Variants in BSPRY observed in about 807,000 individuals in gnomAD.
The protein encoded by BSPRY is B box and SPRY domain-containing protein.
In BSPRY, 33 loss-of-function variants were observed where a neutral mutation model predicts 38.0. The ratio of observed to expected loss-of-function variants is 0.87; its 90% confidence interval spans 0.66 to 1.16. BSPRY has a LOEUF of 1.16. Among genes scored for constraint, BSPRY ranks in the 50% most tolerant of loss-of-function variants. The probability of loss-of-function intolerance (pLI) is 0.00; values close to 1 mark genes in which losing one functional copy is unlikely to be tolerated. For synonymous variants in BSPRY, 224 were observed against 228.5 expected (o/e 0.98, Z 0.18); for missense variants, 523 against 533.2 (o/e 0.98, Z 0.19).
chr9:113,349,738 G>A lies in BSPRY; in HGVS notation c.159G>A (p.Gly53=), dbSNP rs1342880983. ...CGGGGTTGGGCGGTCGCTGCCGGGG[G>A]CACCGCATCCGCCGGGCGGAGGAGC... The part of the protein sequence containing the change: ...ACAGLGGRCR[G]HRIRRAEERA... The change falls in exon 1 of 6, where the codon GGG becomes GGA. Residue 53 remains glycine (G), a synonymous_variant. Coordinates refer to ENST00000374183, the MANE Select transcript of BSPRY (RefSeq NM_017688.3). 2 of 1,239,102 alleles carry A rather than the reference G, an allele frequency of 1.6e-6. No homozygotes were observed. Among genetic ancestry groups the A allele is most frequent in the Non-Finnish European group, 2.0e-6 (2 of 993,384 alleles). 76.8% of individuals were successfully genotyped at this position (1,239,102 alleles called of 1,614,324 possible). A position where few individuals can be genotyped will look rare whatever the true frequency, so the allele number is the denominator to read the frequency against.
chr9:113,366,485 C>T (rs1834254833), intron 4 of BSPRY, among the ~76,000 whole-genome samples: 1 of 152,212 alleles, frequency 6.6e-6, no homozygotes, highest in Non-Finnish European at 1.5e-5. Context: ...TGCAGCAGAT[C>T]CTGCCGCACC....
At chr9:113,352,322 G>C (rs2118903056) in intron 1 of BSPRY, among the ~76,000 whole-genome samples, 1 of 152,318 alleles carries the variant, frequency 6.6e-6, no homozygotes, top group South Asian at 2.1e-4. Context: ...TGGTGGGGGA[G>C]ACAGATACCC....
chr9:113,350,292 C>T (rs765970320), intron 1 of BSPRY, among the ~76,000 whole-genome samples: 30 of 152,054 alleles, frequency 2.0e-4, no homozygotes, highest in African/African-American at 7.2e-5. Context: ...CTCAAAGCCC[C>T]CCTCCTCCTT....
intron 5 of BSPRY, 101 bp from the exon 6 acceptor site, chr9:113,369,515 G>A: frequency 8.2e-7 from 1 of 1,225,904 alleles, no homozygotes; most frequent in East Asian, 2.3e-5. Flanking sequence ...GCTTATATGA[G>A]GTCACCATGC....
At chr9:113,353,874 C>G (rs1379742142) in intron 1 of BSPRY, among the ~76,000 whole-genome samples, 1 of 152,038 alleles carries the variant, frequency 6.6e-6, no homozygotes, top group Non-Finnish European at 1.5e-5. Context: ...ATTCATAGAG[C>G]AAAAATTTGT....
Position 113,354,236 on chromosome 9 carries a change from G to A in BSPRY, c.202-4G>A, listed in dbSNP as rs780284789. 7 of 1,613,162 alleles carry A rather than the reference G, an allele frequency of 4.3e-6. No individual in the cohort carries two copies. Among genetic ancestry groups the A allele is most frequent in the Admixed American group, 3.3e-5 (2 of 59,984 alleles). On this transcript the variant is annotated splice_polypyrimidine_tract_variant and splice_region_variant and intron_variant, in intron 1 of 5. Coordinates refer to ENST00000374183, the MANE Select transcript of BSPRY (RefSeq NM_017688.3). ...AGATGCCACAAGCGTTGTTTGTGTT[G>A]CAGAACAAGATTGTGGACCAGTGTG...
intron 2 of BSPRY, among the ~76,000 whole-genome samples, chr9:113,357,019 T>C (rs7859965): frequency 0.077 from 11,725 of 152,170 alleles, 1,201 homozygotes; most frequent in African/African-American, 0.24. Context: ...TAAATAGTAT[T>C]GAAAGCCGTG....
At chr9:113,351,164 G>C (rs2118900760) in intron 1 of BSPRY, among the ~76,000 whole-genome samples, 1 of 152,262 alleles carries the variant, frequency 6.6e-6, no homozygotes. Flanking sequence ...AAAGAGTGAA[G>C]CCTCGGGCAG....
Position 113,371,111 on chromosome 9 carries a change from C to T in BSPRY, c.*969C>T, listed in dbSNP as rs1252577604. 1 of 152,222 alleles carries T rather than the reference C, an allele frequency of 6.6e-6. No individual in the cohort carries two copies. The highest frequency in any genetic ancestry group is 1.5e-5 in the Non-Finnish European group (1 of 68,078). 9.4% of individuals were successfully genotyped at this position (152,222 alleles called of 1,614,324 possible). A position where few individuals can be genotyped will look rare whatever the true frequency, so the allele number is the denominator to read the frequency against. On this transcript the variant is annotated 3_prime_UTR_variant, in exon 6 of 6. Coordinates refer to ENST00000374183, the MANE Select transcript of BSPRY (RefSeq NM_017688.3). Reference sequence around the variant, plus strand: ...TGATAAGTTTCCCTACCTGATGGCCCCCTCTGACATAAACTGCACACCTGG... The same window carrying T: ...TGATAAGTTTCCCTACCTGATGGCCTCCTCTGACATAAACTGCACACCTGG...
At chr9:113,359,225 A>G (rs1190683933) in intron 2 of BSPRY, among the ~76,000 whole-genome samples, 1 of 152,208 alleles carries the variant, frequency 6.6e-6, no homozygotes, top group East Asian at 1.9e-4. Flanking sequence ...CATAGGGAAG[A>G]TAAGGAATAT....
chr9:113,357,163 AT>A (rs1588063068), intron 2 of BSPRY, among the ~76,000 whole-genome samples: 1 of 152,228 alleles, frequency 6.6e-6, no homozygotes, highest in Non-Finnish European at 1.5e-5. Context: ...AAATCAGCTA[AT>A]GAAACGGAAG....
At chr9:113,358,649 ACT>A (rs1834101602) in intron 2 of BSPRY, among the ~76,000 whole-genome samples, 1 of 151,684 alleles carries the variant, frequency 6.6e-6, no homozygotes, top group African/African-American at 2.4e-5. Context: ...TGGTTTGTCT[ACT>A]CTCTGTCATG....
intron 2 of BSPRY, among the ~76,000 whole-genome samples, chr9:113,358,774 T>C (rs1834103404): frequency 6.6e-6 from 1 of 152,224 alleles, no homozygotes; most frequent in African/African-American, 2.4e-5. Context: ...CTGATTCATC[T>C]TGGGTGAGGA....
chr9:113,368,473 T>A (rs1288264126), intron 5 of BSPRY, 90 bp downstream of exon 5: 1 of 1,498,940 alleles, frequency 6.7e-7, no homozygotes, highest in Non-Finnish European at 9.1e-7. Context: ...TGGGGACCCG[T>A]GCTTCTGAGA....
intron 1 of BSPRY, among the ~76,000 whole-genome samples, chr9:113,350,641 T>G (rs1833956822): frequency 6.6e-6 from 1 of 152,124 alleles, no homozygotes; most frequent in South Asian, 2.1e-4. Context: ...ACTCTGCAGT[T>G]CACCCCTGCT....
intron 4 of BSPRY, among the ~76,000 whole-genome samples, chr9:113,364,153 T>A (rs1238411940): frequency 1.3e-5 from 2 of 152,052 alleles, no homozygotes; most frequent in African/African-American, 4.8e-5. Flanking sequence ...GCCACTGCAC[T>A]CCAGACTGGG....
chr9:113,354,154 ATG>A (rs1834018011), intron 1 of BSPRY, 84 bp from the exon 2 acceptor site: 1 of 889,616 alleles, frequency 1.1e-6, no homozygotes, highest in Admixed American at 2.0e-5. Flanking sequence ...GGTGGCTGAC[ATG>A]TGGTAACAGG....
intron 4 of BSPRY, among the ~76,000 whole-genome samples, chr9:113,366,152 T>G (rs1386662612): frequency 6.6e-6 from 1 of 152,158 alleles, no homozygotes; most frequent in Non-Finnish European, 1.5e-5. Context: ...GTTTTTCCTT[T>G]GCCCTCTCCC....
chr9:113,355,159 C>A (rs1349289553), intron 2 of BSPRY, among the ~76,000 whole-genome samples: 3 of 152,172 alleles, frequency 2.0e-5, no homozygotes, highest in Admixed American at 2.0e-4. Context: ...GCCTGGCCTC[C>A]ACTGCAGATT....
Sources: gnomAD v4.1 joint callset for allele counts (sites outside exome capture counted in the v4.1 genomes callset) on GRCh38, gnomAD v4.1.1 for gene constraint, MANE v1.5 for transcripts, NCBI Gene and HGNC (gene_info 2026-07-23, HGNC 2026-07-21) for gene names.